The following FBXO7 variants were observed in gnomAD, a reference collection of about 807,000 sequenced individuals.
The protein encoded by FBXO7 is F-box protein 7, also known as F-box only protein 7.
FBXO7 carries 31 observed loss-of-function variants against 50.2 expected under a neutral mutation model. The observed-to-expected ratio is 0.62, with a 90% CI of 0.46 to 0.83. The LOEUF (loss-of-function observed/expected upper bound fraction) is 0.83. Ranked by LOEUF, FBXO7 falls within the 40% of genes least tolerant of loss-of-function variation. The pLI is 0.00. For missense variants in FBXO7, 667 were observed against 646.6 expected (o/e 1.03, Z -0.34); for synonymous variants, 256 against 253.1 (o/e 1.01, Z -0.11).
intron 2 of FBXO7, among the ~76,000 whole-genome samples, chr22:32,482,473 A>G (rs998514820): frequency 2.0e-5 from 3 of 152,236 alleles, no homozygotes; most frequent in Non-Finnish European, 2.9e-5. Flanking sequence ...TGCCTAGGAA[A>G]CAAGCTTTCT....
intron 4 of FBXO7, among the ~76,000 whole-genome samples, chr22:32,485,614 A>G (rs930063611): frequency 5.9e-5 from 9 of 152,130 alleles, no homozygotes; most frequent in African/African-American, 1.9e-4. Flanking sequence ...GAACTGAGAC[A>G]TGGGGAGCTA....
intron 5 of FBXO7, chr22:32,489,975 C>A (rs2057523697): frequency 6.6e-6 from 1 of 152,106 alleles, no homozygotes; most frequent in Non-Finnish European, 1.5e-5. Flanking sequence ...GCCCTTGAGC[C>A]AAATTGATTT....
At chr22:32,488,683 C>G (rs936609694) in intron 5 of FBXO7, 1 of 152,212 alleles carries the variant, frequency 6.6e-6, no homozygotes, top group African/African-American at 2.4e-5. Context: ...TATTCTTGTT[C>G]ATTCCTAGGG....
chr22:32,493,205 T>G lies in FBXO7; in HGVS notation c.1068T>G (p.Ser356=), dbSNP rs772673410. ...LLDVRSVLSL[S]AVCRDLFTAS... ...ATGTTCGTTCCGTCTTGTCTTTGTC[T>G]GCGGTTTGTCGTGACCTCTTTACTG... The change falls in exon 7 of 9, where the codon TCT becomes TCG. Residue 356 remains serine, a synonymous_variant. Coordinates refer to ENST00000266087, the MANE Select transcript of FBXO7 (RefSeq NM_012179.4). 6.2e-7 allele frequency: 1 copy of G among 1,614,226 alleles called. No homozygotes were observed. The highest frequency in any genetic ancestry group is 2.2e-5 in the East Asian group (1 of 44,882).
intron 8 of FBXO7, among the ~76,000 whole-genome samples, chr22:32,496,296 C>T (rs939207885): frequency 2.0e-5 from 3 of 152,146 alleles, no homozygotes; most frequent in African/African-American, 7.2e-5. Flanking sequence ...TCTTGGCTAA[C>T]ACGGTGAAAC....
At chr22:32,497,575 G>A (rs1001535592) in intron 8 of FBXO7, among the ~76,000 whole-genome samples, 35 of 152,150 alleles carry the variant, frequency 2.3e-4, no homozygotes, top group Admixed American at 1.9e-3. Context: ...AAAGGATTTC[G>A]AATATTACAT....
Position 32,493,118 on chromosome 22 carries a change from A to C in FBXO7, c.981A>C (p.Pro327=). The C allele has an allele frequency of 6.2e-7, 1 of 1,614,154 alleles. No homozygotes were observed. Among genetic ancestry groups the C allele is most frequent in the Non-Finnish European group, 8.5e-7 (1 of 1,179,990 alleles). ...LAFTRQALNL[P]DVFGLVVLPL... The stretch of plus-strand genomic sequence containing the variant: ...TTTTCCTTTTAGCACTGAACCTACC[A>C]GATGTATTTGGGTTGGTCGTCCTCC... Residue 327 remains proline, a synonymous_variant, in exon 7 of 9, where the codon CCA becomes CCC. Transcript: ENST00000266087.
intron 4 of FBXO7, among the ~76,000 whole-genome samples, chr22:32,486,246 T>TC (rs397727821): frequency 1.3e-5 from 2 of 151,812 alleles, no homozygotes; most frequent in East Asian, 1.9e-4. Flanking sequence ...TTTTTTTTTT[T>TC]CCTGCTAAAA....
chr22:32,483,529 G>A (rs1013303496), intron 2 of FBXO7, among the ~76,000 whole-genome samples: 1 of 152,176 alleles, frequency 6.6e-6, no homozygotes, highest in Non-Finnish European at 1.5e-5. Flanking sequence ...TGGATGTCGG[G>A]AAATAAATGA....
intron 1 of FBXO7, 94 bp from the exon 2 acceptor site, chr22:32,478,887 G>C: frequency 8.4e-7 from 1 of 1,190,982 alleles, no homozygotes; most frequent in South Asian, 1.2e-5. Context: ...AGTTCTTCTA[G>C]GGTCATACTG....
chr22:32,487,894 A>G, intron 5 of FBXO7, 66 bp downstream of exon 5: 1 of 994,246 alleles, frequency 1.0e-6, no homozygotes, highest in Non-Finnish European at 1.6e-6. Flanking sequence ...AAAAAATCTG[A>G]AAGATAATGT....
rs1271255187 is a variant in FBXO7 at position 32,498,169 on chromosome 22, G to A, written c.1208G>A (p.Arg403Lys). ...CTGTACAGGAAGAGGCACATACAAA[G>A]AAAAGAATCCCCGAAAGGGCGGTTT... ...KELYRKRHIQRKESPKGRFVM... is the reference protein window; with the variant it reads ...KELYRKRHIQKKESPKGRFVM... The change falls in exon 9 of 9, where the codon AGA becomes AAA. Residue 403 changes from arginine (R) to lysine (K), a missense_variant. Coordinates refer to ENST00000266087, the MANE Select transcript of FBXO7 (RefSeq NM_012179.4). 6.2e-7 allele frequency: 1 copy of A among 1,614,080 alleles called. No individual in the cohort carries two copies. Among genetic ancestry groups the A allele is most frequent in the Admixed American group, 1.7e-5 (1 of 60,022 alleles).
intron 6 of FBXO7, chr22:32,492,290 GTCT>G (rs2057542970): frequency 6.6e-6 from 1 of 152,184 alleles, no homozygotes; most frequent in Admixed American, 6.5e-5. Flanking sequence ...TATTACAGTA[GTCT>G]TCTCTGTAGT....
intron 5 of FBXO7, chr22:32,488,915 ATTC>A (rs1568976728): frequency 6.6e-6 from 1 of 152,098 alleles, no homozygotes; most frequent in African/African-American, 2.4e-5. Context: ...GGTTCAAGCA[ATTC>A]TTCTGCCTCA....
chr22:32,491,819 T>G (rs568059878), intron 6 of FBXO7: 1 of 139,216 alleles, frequency 7.2e-6, no homozygotes, highest in Non-Finnish European at 1.5e-5. Context: ...TCACTCGAGA[T>G]CCTTATATTA....
intron 7 of FBXO7, 98 bp downstream of exon 7, chr22:32,493,379 A>G: frequency 1.0e-6 from 1 of 960,014 alleles, no homozygotes; most frequent in Non-Finnish European, 1.7e-6. Flanking sequence ...TCTGTTGCAA[A>G]TGATTACAAT....
At chr22:32,486,535 T>C (rs1349824205) in intron 4 of FBXO7, among the ~76,000 whole-genome samples, 1 of 151,668 alleles carries the variant, frequency 6.6e-6, no homozygotes, top group African/African-American at 2.4e-5. Context: ...GAAGTGTCAC[T>C]GTGTTGCCCA....
intron 4 of FBXO7, among the ~76,000 whole-genome samples, chr22:32,485,707 G>A (rs369240972): frequency 7.9e-5 from 12 of 152,158 alleles, no homozygotes; most frequent in African/African-American, 2.7e-4. Context: ...TGGGGCCTTA[G>A]TAAGTATGTG....
At chr22:32,487,021 T>G (rs2145996009) in intron 4 of FBXO7, among the ~76,000 whole-genome samples, 1 of 148,728 alleles carries the variant, frequency 6.7e-6, no homozygotes, top group African/African-American at 2.5e-5. Flanking sequence ...AAAGAATAAC[T>G]GCTGAATGTC....
Sources: gnomAD v4.1 joint callset for allele counts (sites outside exome capture counted in the v4.1 genomes callset) on GRCh38, gnomAD v4.1.1 for gene constraint, MANE v1.5 for transcripts, NCBI Gene and HGNC (gene_info 2026-07-23, HGNC 2026-07-21) for gene names.